Variants in ZFPM2 observed in about 807,000 individuals in gnomAD.
ZFPM2 encodes the protein zinc finger protein, FOG family member 2.
ZFPM2 carries 20 observed loss-of-function variants against 98.6 expected under a neutral mutation model. The observed-to-expected ratio is 0.20, with a 90% CI of 0.14 to 0.29. The LOEUF (loss-of-function observed/expected upper bound fraction) is 0.29, where lower values mean the gene tolerates loss of function less well. Ranked by LOEUF, ZFPM2 falls within the 10% of genes least tolerant of loss-of-function variation. ZFPM2 has a pLI of 1.00. For synonymous variants in ZFPM2, 518 were observed against 502.7 expected, an observed-to-expected ratio of 1.03 and a Z score of -0.41; for missense variants, 1,310 against 1,388.6, an observed-to-expected ratio of 0.94 and a Z score of 0.90.
At chr8:105,423,564 A>G (rs1811845710) in intron 2 of ZFPM2, among the ~76,000 whole-genome samples, 1 of 152,220 alleles carries the variant, frequency 6.6e-6, no homozygotes, top group Admixed American at 6.5e-5. Flanking sequence ...CCTTGAATTT[A>G]TAGATGATGA....
intron 3 of ZFPM2, among the ~76,000 whole-genome samples, chr8:105,479,360 G>T (rs969750314): frequency 3.3e-5 from 5 of 151,976 alleles, no homozygotes; most frequent in African/African-American, 1.2e-4. Context: ...AGTAAACATT[G>T]TTTCTTTTTA....
chr8:105,791,818 G>A (rs1179308031), intron 6 of ZFPM2, among the ~76,000 whole-genome samples: 1 of 152,074 alleles, frequency 6.6e-6, no homozygotes, highest in Non-Finnish European at 1.5e-5. Context: ...TTTAGTCTTG[G>A]GAGAGTGTAT....
chr8:105,393,949 A>G (rs1811168664), intron 1 of ZFPM2, among the ~76,000 whole-genome samples: 1 of 143,830 alleles, frequency 7.0e-6, no homozygotes, highest in Non-Finnish European at 1.5e-5. Flanking sequence ...GCTGGTGTGC[A>G]GTGGTGTGAT....
chr8:105,412,029 C>T (rs1811587149), intron 1 of ZFPM2, among the ~76,000 whole-genome samples: 1 of 151,876 alleles, frequency 6.6e-6, no homozygotes, highest in East Asian at 1.9e-4. Flanking sequence ...CAAAGCAAGG[C>T]ATTTCGGGGG....
At chr8:105,742,839 C>A (rs1271388705) in intron 5 of ZFPM2, among the ~76,000 whole-genome samples, 5 of 152,174 alleles carry the variant, frequency 3.3e-5, no homozygotes, top group Admixed American at 2.6e-4. Context: ...GAGCCAAGAT[C>A]GTGCCATTGC....
At chr8:105,487,370 C>T (rs1211055403) in intron 3 of ZFPM2, among the ~76,000 whole-genome samples, 7 of 152,222 alleles carry the variant, frequency 4.6e-5, no homozygotes, top group Admixed American at 2.0e-4. Flanking sequence ...CCTCTTGCCT[C>T]GGCCTCCCAA....
intron 3 of ZFPM2, among the ~76,000 whole-genome samples, chr8:105,531,255 G>A (rs1296668656): frequency 3.9e-5 from 6 of 152,130 alleles, no homozygotes; most frequent in Non-Finnish European, 7.4e-5. Flanking sequence ...AAAAGAAATC[G>A]ATTCTCTTTC....
intron 4 of ZFPM2, among the ~76,000 whole-genome samples, 182 bp downstream of exon 4, chr8:105,561,663 C>T (rs1002090645): frequency 9.2e-5 from 14 of 152,158 alleles, no homozygotes; most frequent in Non-Finnish European, 1.8e-4. Context: ...CAGTAATATA[C>T]GCAGAATTTA....
intron 4 of ZFPM2, among the ~76,000 whole-genome samples, chr8:105,629,908 G>T (rs1482408465): frequency 2.0e-5 from 3 of 152,096 alleles, no homozygotes; most frequent in Admixed American, 2.0e-4. Context: ...TGATTAGACT[G>T]GGCCCATCTG....
At chr8:105,431,956 A>G (rs868648900) in intron 2 of ZFPM2, among the ~76,000 whole-genome samples, 1 of 151,124 alleles carries the variant, frequency 6.6e-6, no homozygotes, top group Admixed American at 6.6e-5. Context: ...CTTAAGCTGG[A>G]GTAGAAGTTG....
chr8:105,646,446 C>A (rs185261135), intron 5 of ZFPM2, among the ~76,000 whole-genome samples: 1 of 152,062 alleles, frequency 6.6e-6, no homozygotes, highest in Non-Finnish European at 1.5e-5. Context: ...GCATATCTGA[C>A]CTCCTATCCT....
At chr8:105,605,004 T>C (rs1321856334) in intron 4 of ZFPM2, among the ~76,000 whole-genome samples, 5 of 152,098 alleles carry the variant, frequency 3.3e-5, no homozygotes, top group African/African-American at 1.2e-4. Context: ...GATCTTAACA[T>C]AGTGCTTAAA....
At chr8:105,600,203 A>G (rs1215927962) in intron 4 of ZFPM2, among the ~76,000 whole-genome samples, 4 of 152,142 alleles carry the variant, frequency 2.6e-5, no homozygotes, top group African/African-American at 9.7e-5. Flanking sequence ...CCTAAAACAC[A>G]AAGTTGTACT....
chr8:105,688,232 G>T (rs1191877202), intron 5 of ZFPM2, among the ~76,000 whole-genome samples: 1 of 152,052 alleles, frequency 6.6e-6, no homozygotes, highest in African/African-American at 2.4e-5. Context: ...AGTATAAGTT[G>T]CTCAGGAGTT....
intron 1 of ZFPM2, among the ~76,000 whole-genome samples, chr8:105,407,004 T>C (rs1158359504): frequency 6.6e-6 from 1 of 151,838 alleles, no homozygotes; most frequent in Non-Finnish European, 1.5e-5. Context: ...TGGTATGATG[T>C]GCTGCTAGGC....
intron 5 of ZFPM2, among the ~76,000 whole-genome samples, chr8:105,722,227 G>C (rs1400530001): frequency 6.6e-6 from 1 of 151,566 alleles, no homozygotes; most frequent in African/African-American, 2.4e-5. Context: ...CCTGCTTCCT[G>C]CTTATAAAGA....
At chr8:105,450,879 T>C (rs1204817043) in intron 3 of ZFPM2, among the ~76,000 whole-genome samples, 2 of 152,106 alleles carry the variant, frequency 1.3e-5, no homozygotes, top group Non-Finnish European at 2.9e-5. Flanking sequence ...CCTGGCTCTT[T>C]GTAGAACAGA....
chr8:105,437,501 A>G (rs1329782166), intron 2 of ZFPM2, among the ~76,000 whole-genome samples: 5 of 115,408 alleles, frequency 4.3e-5, no homozygotes, highest in Admixed American at 1.8e-4. Flanking sequence ...GACATTTTCT[A>G]TCAGATACGG....
At chr8:105,785,849 T>G (rs1363729773) in intron 5 of ZFPM2, among the ~76,000 whole-genome samples, 1 of 152,044 alleles carries the variant, frequency 6.6e-6, no homozygotes, top group Admixed American at 6.6e-5. Flanking sequence ...GAGACCATCC[T>G]GGCTAACACG....
Sources: gnomAD v4.1 joint callset for allele counts (sites outside exome capture counted in the v4.1 genomes callset) on GRCh38, gnomAD v4.1.1 for gene constraint, MANE v1.5 for transcripts, NCBI Gene and HGNC (gene_info 2026-07-23, HGNC 2026-07-21) for gene names.